The following DRC11 variants were observed in gnomAD, a reference collection of about 807,000 sequenced individuals.
DRC11 encodes dynein regulatory complex subunit 11.
chr2:236,489,799 C>T, the DRC11 span, among the ~76,000 whole-genome samples: 3 of 152,206 alleles, frequency 2.0e-5, no homozygotes, highest in African/African-American at 7.2e-5. Context: ...GTGGGACACA[C>T]CTGCAGTCCC....
the DRC11 span, among the ~76,000 whole-genome samples, chr2:236,404,193 AAAAG>A: frequency 6.6e-6 from 1 of 151,834 alleles, no homozygotes; most frequent in Non-Finnish European, 1.5e-5. Flanking sequence ...AAAGAAAAAG[AAAAG>A]AAAAGAAAGA....
At chr2:236,453,137 T>C in the DRC11 span, among the ~76,000 whole-genome samples, 1 of 152,206 alleles carries the variant, frequency 6.6e-6, no homozygotes, top group Admixed American at 6.5e-5. This position sits in a 1 kb window ranked among gnomAD's most constrained non-coding sequence, Gnocchi z 4.9. Flanking sequence ...GAGCAGGTCA[T>C]TCCCTTTTCT....
the DRC11 span, chr2:236,497,275 A>C: frequency 6.2e-7 from 1 of 1,613,808 alleles, no homozygotes; most frequent in Non-Finnish European, 8.5e-7. The surrounding 1 kb of genome is among the most constrained non-coding windows in gnomAD (Gnocchi z 5.1). Flanking sequence ...CCCGTCCAGG[A>C]CTTTCCTGAT....
At chr2:236,451,012 C>T in the DRC11 span, among the ~76,000 whole-genome samples, 6 of 152,178 alleles carry the variant, frequency 3.9e-5, no homozygotes, top group Non-Finnish European at 8.8e-5. Context: ...TAACCAGAAA[C>T]ATAGTCCATT....
the DRC11 span, among the ~76,000 whole-genome samples, chr2:236,375,134 A>C: frequency 6.6e-6 from 1 of 152,068 alleles, no homozygotes; most frequent in African/African-American, 2.4e-5. The surrounding 1 kb of genome is among the most constrained non-coding windows in gnomAD (Gnocchi z 4.2). Context: ...CCCCGTCTCC[A>C]GTACTGGGGA....
At chr2:236,438,602 A>G in the DRC11 span, among the ~76,000 whole-genome samples, 1 of 151,878 alleles carries the variant, frequency 6.6e-6, no homozygotes, top group African/African-American at 2.4e-5. Context: ...ATTTGTTTGT[A>G]TCCTCTTTTA....
chr2:236,451,334 T>C, the DRC11 span, among the ~76,000 whole-genome samples: 52 of 151,960 alleles, frequency 3.4e-4, no homozygotes, highest in Non-Finnish European at 1.6e-4. Flanking sequence ...TATAGCTGTC[T>C]TGTTTAAAAT....
At chr2:236,358,117 T>C in the DRC11 span, among the ~76,000 whole-genome samples, 33 of 117,152 alleles carry the variant, frequency 2.8e-4, no homozygotes, top group African/African-American at 9.5e-4. Context: ...TATTATACAC[T>C]ATATGAATAT....
chr2:236,321,629 T>C, the DRC11 span, among the ~76,000 whole-genome samples: 1 of 152,106 alleles, frequency 6.6e-6, no homozygotes, highest in African/African-American at 2.4e-5. Flanking sequence ...AGCAGAAAAG[T>C]GTATGTATCT....
At chr2:236,335,135 G>A in the DRC11 span, among the ~76,000 whole-genome samples, 3 of 152,166 alleles carry the variant, frequency 2.0e-5, no homozygotes, top group African/African-American at 4.8e-5. This position sits in a 1 kb window ranked among gnomAD's most constrained non-coding sequence, Gnocchi z 5.6. Context: ...GTGGGGCCGC[G>A]GGGACTGCTG....
the DRC11 span, among the ~76,000 whole-genome samples, chr2:236,317,043 C>T: frequency 6.6e-6 from 1 of 152,328 alleles, no homozygotes; most frequent in African/African-American, 2.4e-5. This position sits in a 1 kb window ranked among gnomAD's most constrained non-coding sequence, Gnocchi z 5.4. Flanking sequence ...CGCCTGTAAT[C>T]CCAGCACTTT....
chr2:236,433,157 G>C, the DRC11 span, among the ~76,000 whole-genome samples: 1 of 152,026 alleles, frequency 6.6e-6, no homozygotes, highest in African/African-American at 2.4e-5. Context: ...CTAAGAATAT[G>C]TTTTCATACC....
the DRC11 span, among the ~76,000 whole-genome samples, chr2:236,395,778 T>C: frequency 3.3e-4 from 51 of 152,362 alleles, no homozygotes; most frequent in Admixed American, 2.3e-3. Flanking sequence ...GTAGGATTTC[T>C]AAATCTTCTG....
the DRC11 span, among the ~76,000 whole-genome samples, chr2:236,336,318 C>T: frequency 2.6e-5 from 4 of 152,108 alleles, no homozygotes; most frequent in African/African-American, 7.2e-5. The surrounding 1 kb of genome is among the most constrained non-coding windows in gnomAD (Gnocchi z 7.3). Context: ...CAGAGAGGAC[C>T]GTATATGCCC....
the DRC11 span, among the ~76,000 whole-genome samples, chr2:236,477,591 T>TTTAATAG: frequency 9.2e-5 from 14 of 152,162 alleles, no homozygotes; most frequent in Admixed American, 9.2e-4. Context: ...CTTAATTTTT[T>TTTAATAG]TTAATAGTTT....
At chr2:236,357,659 TCATAATA>T in the DRC11 span, among the ~76,000 whole-genome samples, 1 of 110,968 alleles carries the variant, frequency 9.0e-6, no homozygotes, top group East Asian at 2.3e-4. Flanking sequence ...TAAATTATAT[TCATAATA>T]CATAAATATA....
At chr2:236,336,263 G>T in the DRC11 span, among the ~76,000 whole-genome samples, 75 of 152,290 alleles carry the variant, frequency 4.9e-4, 1 homozygote, top group Middle Eastern at 0.01. The surrounding 1 kb of genome is among the most constrained non-coding windows in gnomAD (Gnocchi z 7.3). Context: ...GGAGTAGATG[G>T]TTGTTCTTTT....
At chr2:236,349,474 A>C in the DRC11 span, among the ~76,000 whole-genome samples, 2 of 152,200 alleles carry the variant, frequency 1.3e-5, no homozygotes, top group Non-Finnish European at 2.9e-5. The surrounding 1 kb of genome is among the most constrained non-coding windows in gnomAD (Gnocchi z 5.5). Context: ...TCGCATCAAC[A>C]ACTATCTCTT....
At chr2:236,399,376 G>C in the DRC11 span, 2 of 1,524,808 alleles carry the variant, frequency 1.3e-6, no homozygotes, top group Admixed American at 3.3e-5. The surrounding 1 kb of genome is among the most constrained non-coding windows in gnomAD (Gnocchi z 7.0). Flanking sequence ...AGCACGTGCT[G>C]CTGTCTTGGT....
Sources: gnomAD v4.1 joint callset for allele counts (sites outside exome capture counted in the v4.1 genomes callset) on GRCh38, gnomAD v4.1.1 for gene constraint, Gnocchi (gnomAD v3.1) non-coding constraint, MANE v1.5 for transcripts, NCBI Gene and HGNC (gene_info 2026-07-23, HGNC 2026-07-21) for gene names.